UBE3B: variants seen among roughly 807,000 people sequenced by gnomAD.
UBE3B encodes ubiquitin protein ligase E3B, also known as ubiquitin-protein ligase E3B.
UBE3B carries 80 observed loss-of-function variants against 132.3 expected under a neutral mutation model. That is an observed-to-expected ratio of 0.60 (90% CI 0.50 to 0.73). The LOEUF (loss-of-function observed/expected upper bound fraction) is 0.73. Ranked by LOEUF, UBE3B falls within the 30% of genes least tolerant of loss-of-function variation. The probability of loss-of-function intolerance (pLI) is 0.00; values close to 1 mark genes in which losing one functional copy is unlikely to be tolerated. For missense variants in UBE3B, 1,196 were observed against 1,362.5 expected, an observed-to-expected ratio of 0.88 and a Z score of 1.92; for synonymous variants, 487 against 520.4, an observed-to-expected ratio of 0.94 and a Z score of 0.87.
chr12:109,510,058 C>G (rs531068185), intron 16 of UBE3B, among the ~76,000 whole-genome samples: 17 of 152,296 alleles, frequency 1.1e-4, no homozygotes, highest in African/African-American at 4.1e-4. Flanking sequence ...GAGAGTCCAC[C>G]TCCCGAAGTG....
chr12:109,509,568 A>G, intron 15 of UBE3B, 28 bp from the exon 16 acceptor site: 2 of 1,495,604 alleles, frequency 1.3e-6, no homozygotes, highest in Non-Finnish European at 1.8e-6. Context: ...TCAGTGTGGA[A>G]TTGTGGGTAA....
At chr12:109,508,549 G>C in intron 15 of UBE3B, 1 of 985,468 alleles carries the variant, frequency 1.0e-6, no homozygotes, top group Non-Finnish European at 1.2e-6. Context: ...AGAATTATAA[G>C]ATACAATGGA....
downstream of UBE3B, among the ~76,000 whole-genome samples, chr12:109,536,956 A>T (rs557456064): frequency 6.6e-6 from 1 of 152,316 alleles, no homozygotes; most frequent in Non-Finnish European, 1.5e-5. Context: ...CACTTCCCAG[A>T]GGCAGCTGTC....
chr12:109,490,500 G>A (rs976467733), intron 8 of UBE3B: 12 of 1,535,816 alleles, frequency 7.8e-6, no homozygotes, highest in Middle Eastern at 1.7e-4. Flanking sequence ...TGCTGTGATG[G>A]GCTGTTTCCT....
intron 15 of UBE3B, chr12:109,508,875 G>C (rs564411762): frequency 1.3e-5 from 6 of 461,922 alleles, no homozygotes; most frequent in Non-Finnish European, 1.7e-5. Context: ...AGTGTCACTA[G>C]TATGTGTCTT....
chr12:109,497,676 A>G (rs1878406696), intron 9 of UBE3B, 142 bp from the exon 10 acceptor site: 4 of 779,722 alleles, frequency 5.1e-6, no homozygotes, highest in East Asian at 5.3e-5. Flanking sequence ...TCCCCAGTGT[A>G]TGTCCCCAAT....
At chr12:109,527,653 G>A (rs376005630) in intron 24 of UBE3B, among the ~76,000 whole-genome samples, 102 of 152,332 alleles carry the variant, frequency 6.7e-4, no homozygotes, top group South Asian at 6.0e-3. Flanking sequence ...TGGCCACAGG[G>A]CATTAGTTTG....
rs567710342 is a variant in UBE3B at position 109,526,042 on chromosome 12, A to G, written c.2569-316A>G. On this transcript the variant is annotated intron_variant, in intron 23 of 27. Transcript: ENST00000342494. ...TAGTACCTGCACAGTATTCCAGGGT[A>G]TGGATGTACCAGTGTTTATTTAACC... Among the ~76,000 whole-genome samples, 93 of 152,306 alleles carry G rather than the reference A, an allele frequency of 6.1e-4. 1 individual carries two copies. The highest frequency in any genetic ancestry group is 2.2e-3 in the African/African-American group (93 of 41,560).
intron 11 of UBE3B, among the ~76,000 whole-genome samples, chr12:109,498,942 C>G (rs992149767): frequency 2.0e-5 from 3 of 151,906 alleles, no homozygotes; most frequent in African/African-American, 7.3e-5. Context: ...CCTCCCACCT[C>G]AGCCTCCTGA....
intron 24 of UBE3B, among the ~76,000 whole-genome samples, chr12:109,527,501 A>G (rs572196146): frequency 1.3e-5 from 2 of 152,358 alleles, no homozygotes; most frequent in South Asian, 2.1e-4. Flanking sequence ...GTCGCAGTCC[A>G]GTGTTCCCAA....
chr12:109,532,106 C>T (rs557586007), intron 26 of UBE3B, among the ~76,000 whole-genome samples: 2 of 152,324 alleles, frequency 1.3e-5, no homozygotes, highest in African/African-American at 4.8e-5. Context: ...CTCGCAGGAG[C>T]GGGAAAGCTT....
chr12:109,521,528 A>G lies in UBE3B; in HGVS notation c.2341A>G (p.Met781Val). 1 of 1,599,478 alleles carries G rather than the reference A, an allele frequency of 6.3e-7. No homozygotes were observed. The highest frequency in any genetic ancestry group is 1.7e-5 in the Admixed American group (1 of 58,130). Residue 781 changes from methionine (M) to valine (V), a missense_variant, in exon 21 of 28, where the codon ATG (methionine) becomes GTG (valine). Coordinates refer to ENST00000342494, the MANE Select transcript of UBE3B (RefSeq NM_130466.4). This position sits in a 1 kb window ranked among gnomAD's most constrained non-coding sequence, Gnocchi z 4.2. ...GCAGCTCTTCGAGTTTGTGGGGAAG[A>G]TGCTGGGGAAGGCTGTGTATGAGGT... ...YLQLFEFVGKMLGKAVYEGIV... is the reference protein window; with the variant it reads ...YLQLFEFVGKVLGKAVYEGIV...
At chr12:109,543,398 A>C in the UBE3B span, among the ~76,000 whole-genome samples, 1 of 152,072 alleles carries the variant, frequency 6.6e-6, no homozygotes, top group Non-Finnish European at 1.5e-5. Flanking sequence ...ACACAGCAGG[A>C]CTCGGCTGAG....
intron 17 of UBE3B, among the ~76,000 whole-genome samples, 174 bp from the exon 18 acceptor site, chr12:109,511,030 C>T (rs1243051627): frequency 1.3e-5 from 2 of 152,214 alleles, no homozygotes; most frequent in African/African-American, 4.8e-5. Context: ...GCTCTTGTAG[C>T]ACAAAAGCTG....
At position 109,506,531 on chromosome 12, in the gene UBE3B, T is replaced by C. The variant is rs1592926623; in HGVS notation, c.1451-1033T>C. On this transcript the variant is annotated intron_variant, in intron 14 of 27. Transcript: ENST00000342494. ...GCCCGGCTGATTTTGTATTTTTTAG[T>C]AGAGACAGTGTTTCTCATCATGTTG... 2.6e-5 allele frequency among the ~76,000 whole-genome samples: 4 copies of C among 152,288 alleles called. No individual in the cohort carries two copies. In the South Asian group the frequency reaches 8.3e-4, roughly 32 times the overall value.
chr12:109,526,327 C>G, intron 23 of UBE3B, 31 bp from the exon 24 acceptor site: 1 of 1,611,730 alleles, frequency 6.2e-7, no homozygotes. Flanking sequence ...TTAGAGTCCT[C>G]CCTATTAATT....
At chr12:109,491,800 C>T (rs1877502228) in intron 9 of UBE3B, 1 of 152,246 alleles carries the variant, frequency 6.6e-6, no homozygotes, top group African/African-American at 2.4e-5. Context: ...CTGCCCCCAT[C>T]TGTGGATCTA....
intron 6 of UBE3B, 79 bp from the exon 7 acceptor site, chr12:109,488,493 G>T: frequency 1.6e-6 from 2 of 1,274,120 alleles, no homozygotes; most frequent in South Asian, 1.2e-5. Flanking sequence ...AGTGCCCATA[G>T]AGCAGTTGTA....
chr12:109,494,772 A>G (rs1877961553), intron 9 of UBE3B, among the ~76,000 whole-genome samples: 1 of 151,894 alleles, frequency 6.6e-6, no homozygotes, highest in African/African-American at 2.4e-5. Context: ...TAAAAAGATC[A>G]CACCCCTCCA....
Sources: allele counts gnomAD v4.1 joint callset (sites outside exome capture counted in the v4.1 genomes callset), GRCh38; gene constraint gnomAD v4.1.1; non-coding constraint Gnocchi (gnomAD v3.1); transcripts MANE v1.5; gene names NCBI Gene and HGNC (gene_info 2026-07-23, HGNC 2026-07-21).